OR52A1: variants seen among roughly 807,000 people sequenced by gnomAD.
The protein encoded by OR52A1 is olfactory receptor family 52 subfamily A member 1.
Under a neutral mutation model 14.3 loss-of-function variants are expected in OR52A1, and 14 were observed. That is an observed-to-expected ratio of 0.98 (90% confidence interval 0.65 to 1.54). The LOEUF is 1.54. Among genes scored for constraint, OR52A1 ranks in the 40% most tolerant of loss-of-function variants. The pLI is 0.00. For missense variants in OR52A1, 405 were observed against 381.3 expected (o/e 1.06, Z -0.52); for synonymous variants, 151 against 135.3 (o/e 1.12, Z -0.80).
Position 5,149,324 on chromosome 11 carries a change from A to G in OR52A1, c.*2107T>C, listed in dbSNP as rs976499068. 6.6e-6 allele frequency: 1 copy of G among 152,200 alleles called. No individual in the cohort carries two copies. Among genetic ancestry groups the G allele is most frequent in the Non-Finnish European group, 1.5e-5 (1 of 68,032 alleles). 9.4% of individuals were successfully genotyped at this position (152,200 alleles called of 1,614,324 possible). A position where few individuals can be genotyped will look rare whatever the true frequency, so the allele number is the denominator to read the frequency against. ...CATTGTGTCTCTTTGTTGGACCTAT[A>G]TTACCACATATTTTTGGTGGTGCTG... On this transcript the variant is annotated 3_prime_UTR_variant, in exon 2 of 2. Coordinates refer to ENST00000380367, the MANE Select transcript of OR52A1 (RefSeq NM_012375.3).
In OR52A1 at chr11:5,150,600, C is replaced by G. The variant is rs552752405; in HGVS notation, c.*831G>C. 1 of 152,250 alleles carries G rather than the reference C, an allele frequency of 6.6e-6. No homozygotes were observed. Among genetic ancestry groups the G allele is most frequent in the East Asian group, 1.9e-4 (1 of 5,184 alleles). The allele number at this position is 152,250 out of a possible 1,614,324, so 9.4% of individuals were successfully genotyped here. A position where few individuals can be genotyped will look rare whatever the true frequency, so the allele number is the denominator to read the frequency against. Reference sequence around the variant, plus strand: ...TTTGGTTAGATTTCAATGCTTCATTCTCTCTGAACTCCACATCCTATGTGT... The same window carrying G: ...TTTGGTTAGATTTCAATGCTTCATTGTCTCTGAACTCCACATCCTATGTGT... On this transcript the variant is annotated 3_prime_UTR_variant, in exon 2 of 2. Transcript: ENST00000380367.
Position 5,151,507 on chromosome 11 carries a change from G to A in OR52A1, c.863C>T (p.Pro288Leu), listed in dbSNP as rs866627196. 1 of 1,614,100 alleles carries A rather than the reference G, an allele frequency of 6.2e-7. No homozygotes were observed. The highest frequency in any genetic ancestry group is 8.5e-7 in the Non-Finnish European group (1 of 1,179,966). ...ACCATAGACAAGTGGATTGAGAAAT[G>A]GAGGGACCAGCAAGTAAATGCTAGA... ...LFSSIYLLVP[P>L]FLNPLVYGAK... The change falls in exon 2 of 2, where the codon CCA (proline) becomes CTA (leucine). Residue 288 changes from proline to leucine, a missense_variant. Coordinates refer to ENST00000380367, the MANE Select transcript of OR52A1 (RefSeq NM_012375.3).
intron 1 of OR52A1, 52 bp downstream of exon 1, chr11:5,154,395 G>A (rs532305523): frequency 6.6e-6 from 1 of 152,276 alleles, no homozygotes; most frequent in East Asian, 1.9e-4. Flanking sequence ...GCTCTTACCA[G>A]ATACCTGAAG....
chr11:5,152,693 G>T lies in OR52A1; in HGVS notation c.-321-3C>A. 1 of 230,370 alleles carries T rather than the reference G, an allele frequency of 4.3e-6. No individual in the cohort carries two copies. Among genetic ancestry groups the T allele is most frequent in the Non-Finnish European group, 9.1e-6 (1 of 109,934 alleles). The allele number at this position is 230,370 out of a possible 1,614,324, so 14.3% of individuals were successfully genotyped here. A position where few individuals can be genotyped will look rare whatever the true frequency, so the allele number is the denominator to read the frequency against. On this transcript the variant is annotated splice_polypyrimidine_tract_variant and splice_region_variant and intron_variant, in intron 1 of 1. Coordinates refer to ENST00000380367, the MANE Select transcript of OR52A1 (RefSeq NM_012375.3). ...CAGTCTGTTATTTCTTTCCAGACCT[G>T]TGGACAAAAAAAAAAAGAAGTTTAT...
In OR52A1 at chr11:5,152,295, C is replaced by T. The variant is rs1846556091; in HGVS notation, c.75G>A (p.Val25=). 6.2e-7 allele frequency: 1 copy of T among 1,613,918 alleles called. No homozygotes were observed. The highest frequency in any genetic ancestry group is 8.5e-7 in the Non-Finnish European group (1 of 1,179,964). Residue 25 remains valine, a synonymous_variant, in exon 2 of 2, where the codon GTG becomes GTA. Transcript: ENST00000380367. ...TLVGIPGLES[V]QCWIGIPFCA... ...AGAATGGAATCCCAATCCAGCACTG[C>T]ACAGATTCTAGGCCTGGGATCCCTA...
Position 5,152,215 on chromosome 11 carries a change from T to G in OR52A1, c.155A>C (p.Lys52Thr). ...GGGCTCATGGAGACTGCGCTCAGAT[T>G]TGATGATGCTCAGAAGCAAGGAATT... ...IGNSLLLSII[K>T]SERSLHEPLY... The change falls in exon 2 of 2, where the codon AAA becomes ACA. Residue 52 changes from lysine (K) to threonine (T), a missense_variant. Physicochemically the swap from Lys to Thr is moderately conservative, Grantham distance 78 (BLOSUM62 -1). Transcript: ENST00000380367. The G allele has an allele frequency of 6.2e-7, 1 of 1,614,124 alleles. No homozygotes were observed. Among genetic ancestry groups the G allele is most frequent in the Non-Finnish European group, 8.5e-7 (1 of 1,179,998 alleles).
Position 5,151,109 on chromosome 11 carries a change from C to A in OR52A1, c.*322G>T. Reference sequence around the variant, plus strand: ...GTTTCAGAACAACGAGCCTTAGGTGCATTTAAATTCAGTGACAAAGGCATA... The same window carrying A: ...GTTTCAGAACAACGAGCCTTAGGTGAATTTAAATTCAGTGACAAAGGCATA... On this transcript the variant is annotated 3_prime_UTR_variant, in exon 2 of 2. Coordinates refer to ENST00000380367, the MANE Select transcript of OR52A1 (RefSeq NM_012375.3). The A allele has an allele frequency of 5.2e-6, 1 of 194,174 alleles. No homozygotes were observed. Among genetic ancestry groups the A allele is most frequent in the Non-Finnish European group, 1.1e-5 (1 of 95,170 alleles). 12.0% of individuals were successfully genotyped at this position (194,174 alleles called of 1,614,324 possible).
Position 5,148,226 on chromosome 11 carries a change from T to C in OR52A1, c.*3205A>G, listed in dbSNP as rs142763928. On this transcript the variant is annotated 3_prime_UTR_variant, in exon 2 of 2. Coordinates refer to ENST00000380367, the MANE Select transcript of OR52A1 (RefSeq NM_012375.3). ...AAGCTAGAAGGTTCAGTTCCTGAAATCTTTTTTTTTTTTTTTTGAGACGGT... is the reference window on the plus strand; with the variant it reads ...AAGCTAGAAGGTTCAGTTCCTGAAACCTTTTTTTTTTTTTTTTGAGACGGT... 1.4e-5 allele frequency: 1 copy of C among 69,986 alleles called. No individual in the cohort carries two copies. Among genetic ancestry groups the C allele is most frequent in the Admixed American group, 2.8e-4 (1 of 3,602 alleles). 4.3% of individuals were successfully genotyped at this position (69,986 alleles called of 1,614,324 possible).
chr11:5,154,330 G>A (rs1846584964), intron 1 of OR52A1, 117 bp downstream of exon 1: 1 of 152,158 alleles, frequency 6.6e-6, no homozygotes, highest in African/African-American at 2.4e-5. Context: ...AAATTATGGA[G>A]AGGAAACTTG....
At position 5,152,666 on chromosome 11, in the gene OR52A1, G is replaced by A. The variant is rs921709160; in HGVS notation, c.-297C>T. The A allele has an allele frequency of 3.5e-6, 1 of 285,118 alleles. No individual in the cohort carries two copies. 17.7% of individuals were successfully genotyped at this position (285,118 alleles called of 1,614,324 possible). On this transcript the variant is annotated 5_prime_UTR_variant, in exon 2 of 2. Coordinates refer to ENST00000380367, the MANE Select transcript of OR52A1 (RefSeq NM_012375.3). ...ACCTGGACAGGGGATTGGACTACTG[G>A]CCAGTCTGTTATTTCTTTCCAGACC...
chr11:5,151,781 C>G lies in OR52A1; in HGVS notation c.589G>C (p.Val197Leu). ...IVKLAAANVQ[V>L]NKIYGLFVAF... ...ACAAACAAACCATAGATTTTGTTGA[C>G]TTGAACATTTGCTGCTGCTAGTTTC... Residue 197 changes from valine (V) to leucine (L), a missense_variant, in exon 2 of 2, where the codon GTC (valine) becomes CTC (leucine). Transcript: ENST00000380367. 6.2e-7 allele frequency: 1 copy of G among 1,614,188 alleles called. No homozygotes were observed. Among genetic ancestry groups the G allele is most frequent in the Non-Finnish European group, 8.5e-7 (1 of 1,180,018 alleles).
Position 5,152,675 on chromosome 11 carries a change from T to C in OR52A1, c.-306A>G, listed in dbSNP as rs1428838963. On this transcript the variant is annotated 5_prime_UTR_variant, in exon 2 of 2. An upstream open reading frame in the 5' UTR loses its in-frame stop. Coordinates refer to ENST00000380367, the MANE Select transcript of OR52A1 (RefSeq NM_012375.3). ...GGGGATTGGACTACTGGCCAGTCTG[T>C]TATTTCTTTCCAGACCTGTGGACAA... is the stretch of plus-strand genomic sequence containing the variant. 3.7e-6 allele frequency: 1 copy of C among 270,486 alleles called. No individual in the cohort carries two copies. Among genetic ancestry groups the C allele is most frequent in the Non-Finnish European group, 7.5e-6 (1 of 133,888 alleles). The allele number at this position is 270,486 out of a possible 1,614,324, so 16.8% of individuals were successfully genotyped here. A position where few individuals can be genotyped will look rare whatever the true frequency, so the allele number is the denominator to read the frequency against.
chr11:5,149,305 G>A lies in OR52A1; in HGVS notation c.*2126C>T, dbSNP rs1846517354. On this transcript the variant is annotated 3_prime_UTR_variant, in exon 2 of 2. Coordinates refer to ENST00000380367, the MANE Select transcript of OR52A1 (RefSeq NM_012375.3). ...CAAATATGTTGTAGTTTCACATTGT[G>A]TCTCTTTGTTGGACCTATATTACCA... 6.6e-6 allele frequency: 1 copy of A among 152,122 alleles called. No individual in the cohort carries two copies. Among genetic ancestry groups the A allele is most frequent in the African/African-American group, 2.4e-5 (1 of 41,422 alleles). The allele number at this position is 152,122 out of a possible 1,614,324, so 9.4% of individuals were successfully genotyped here. A position where few individuals can be genotyped will look rare whatever the true frequency, so the allele number is the denominator to read the frequency against.
chr11:5,152,692 T>G lies in OR52A1; in HGVS notation c.-321-2A>C. 1 of 238,562 alleles carries G rather than the reference T, an allele frequency of 4.2e-6. No individual in the cohort carries two copies. The allele number at this position is 238,562 out of a possible 1,614,324, so 14.8% of individuals were successfully genotyped here. A position where few individuals can be genotyped will look rare whatever the true frequency, so the allele number is the denominator to read the frequency against. On this transcript the variant is annotated splice_acceptor_variant, in intron 1 of 1. Transcript: ENST00000380367. LOFTEE classifies it low-confidence loss of function (5UTR_SPLICE). ...CCAGTCTGTTATTTCTTTCCAGACC[T>G]GTGGACAAAAAAAAAAAGAAGTTTA...
chr11:5,148,172 A>G lies in OR52A1; in HGVS notation c.*3259T>C, dbSNP rs1476252067. On this transcript the variant is annotated 3_prime_UTR_variant, in exon 2 of 2. Coordinates refer to ENST00000380367, the MANE Select transcript of OR52A1 (RefSeq NM_012375.3). ...CAAATGTTGTAAGTTATTTTTCCCAAATTGAACATTTAAATGAAGGGCTGC... is the reference window on the plus strand; with the variant it reads ...CAAATGTTGTAAGTTATTTTTCCCAGATTGAACATTTAAATGAAGGGCTGC... 6.6e-6 allele frequency: 1 copy of G among 152,082 alleles called. No individual in the cohort carries two copies. Among genetic ancestry groups the G allele is most frequent in the African/African-American group, 2.4e-5 (1 of 41,420 alleles). 9.4% of individuals were successfully genotyped at this position (152,082 alleles called of 1,614,324 possible).
At position 5,153,783 on chromosome 11, in the gene OR52A1, A is replaced by C. The variant is rs987398704; in HGVS notation, c.-322+664T>G. On this transcript the variant is annotated intron_variant, in intron 1 of 1. Coordinates refer to ENST00000380367, the MANE Select transcript of OR52A1 (RefSeq NM_012375.3). ...GCTTCATGTCACCAATATGCTGGAAATTCAGGAAGTAGCTGTTCTTTGAAA... is the reference window on the plus strand; with the variant it reads ...GCTTCATGTCACCAATATGCTGGAACTTCAGGAAGTAGCTGTTCTTTGAAA... Among the ~76,000 whole-genome samples the C allele has an allele frequency of 3.3e-5, 5 of 150,512 alleles. No individual in the cohort carries two copies. The East Asian group carries it at 9.7e-4, about 29-fold the overall frequency.
Position 5,150,100 on chromosome 11 carries a change from G to T in OR52A1, c.*1331C>A, listed in dbSNP as rs1016707818. ...GAGGTTTTTCAAGAACAATTGACTAGCCGTAAATTCTTATGCCACTAATTT... is the reference window on the plus strand; with the variant it reads ...GAGGTTTTTCAAGAACAATTGACTATCCGTAAATTCTTATGCCACTAATTT... On this transcript the variant is annotated 3_prime_UTR_variant, in exon 2 of 2. Transcript: ENST00000380367. 27 of 151,978 alleles carry T rather than the reference G, an allele frequency of 1.8e-4. 1 individual carries two copies. Among genetic ancestry groups the T allele is most frequent in the African/African-American group, 6.5e-4 (27 of 41,454 alleles). 9.4% of individuals were successfully genotyped at this position (151,978 alleles called of 1,614,324 possible).
rs750227831 is a variant in OR52A1 at position 5,151,502 on chromosome 11, G to A, written c.868C>T (p.Leu290Phe). The A allele has an allele frequency of 4.3e-6, 7 of 1,614,120 alleles. No homozygotes were observed. The highest frequency in any genetic ancestry group is 5.9e-6 in the Non-Finnish European group (7 of 1,179,994). Reference protein sequence around the residue: ...SSIYLLVPPFLNPLVYGAKTT... With the variant: ...SSIYLLVPPFFNPLVYGAKTT... ...TTTGCACCATAGACAAGTGGATTGA[G>A]AAATGGAGGGACCAGCAAGTAAATG... The change falls in exon 2 of 2, where the codon CTC becomes TTC. Residue 290 changes from leucine to phenylalanine, a missense_variant. Leu to Phe is a conservative substitution (Grantham distance 22, BLOSUM62 0). Coordinates refer to ENST00000380367, the MANE Select transcript of OR52A1 (RefSeq NM_012375.3).
In OR52A1 at chr11:5,152,503, A is replaced by T; in HGVS notation, c.-134T>A. 1 of 641,768 alleles carries T rather than the reference A, an allele frequency of 1.6e-6. No homozygotes were observed. The highest frequency in any genetic ancestry group is 2.3e-5 in the South Asian group (1 of 43,918). 39.8% of individuals were successfully genotyped at this position (641,768 alleles called of 1,614,324 possible). ...TTTGGGTATAACTCTAAAATCATCC[A>T]TCTTATTCACAGTTTTGAAAGGAAA... On this transcript the variant is annotated 5_prime_UTR_variant, in exon 2 of 2. The change abolishes an upstream ATG in the 5' untranslated region. Coordinates refer to ENST00000380367, the MANE Select transcript of OR52A1 (RefSeq NM_012375.3).
Sources: gnomAD v4.1 joint callset for allele counts (sites outside exome capture counted in the v4.1 genomes callset) on GRCh38, gnomAD v4.1.1 for gene constraint, MANE v1.5 for transcripts, NCBI Gene and HGNC (gene_info 2026-07-23, HGNC 2026-07-21) for gene names.